Variants in DAPK1 observed in about 807,000 individuals in gnomAD.
The protein encoded by DAPK1 is death associated protein kinase 1, also known as death-associated protein kinase 1.
In DAPK1, 56 loss-of-function variants were observed where a neutral mutation model predicts 144.9. The ratio of observed to expected loss-of-function variants is 0.39; its 90% confidence interval spans 0.31 to 0.48. The LOEUF (loss-of-function observed/expected upper bound fraction) is 0.48, where lower values mean the gene tolerates loss of function less well. Ranked by LOEUF, DAPK1 falls within the 20% of genes least tolerant of loss-of-function variation. DAPK1 has a pLI of 0.95. For missense variants in DAPK1, 1,454 were observed against 1,875.4 expected (o/e 0.78, Z 4.15); for synonymous variants, 690 against 749.0 (o/e 0.92, Z 1.29).
Position 87,697,202 on chromosome 9 carries a change from T to G in DAPK1, c.2609T>G (p.Ile870Arg). 6.8e-7 allele frequency: 1 copy of G among 1,463,698 alleles called. No individual in the cohort carries two copies. Among genetic ancestry groups the G allele is most frequent in the Non-Finnish European group, 9.6e-7 (1 of 1,042,802 alleles). 90.7% of individuals were successfully genotyped at this position (1,463,698 alleles called of 1,614,324 possible). A position where few individuals can be genotyped will look rare whatever the true frequency, so the allele number is the denominator to read the frequency against. The change falls in exon 22 of 26, where the codon ATA becomes AGA. Residue 870 changes from isoleucine (I) to arginine (R), a missense_variant and splice_region_variant. By Grantham distance (97) the Ile-to-Arg change is moderately conservative. Around this residue, in one of 2 missense-constraint regions of DAPK1, gnomAD observed 1,025 missense variants for 1,237.9 expected, o/e 0.83. Coordinates refer to ENST00000408954, the MANE Select transcript of DAPK1 (RefSeq NM_004938.4). ...TCCCTTGTCCCAGTTGAAGAACCCA[T>G]AGGTGAGCTAAGTCCCTGCAGGCCA... ...LKSLVPVEEP[I>R]AFGGKLKNPL... is the part of the protein sequence containing the mutation.
chr9:87,576,294 T>A (rs1827557237), intron 2 of DAPK1, among the ~76,000 whole-genome samples: 1 of 152,262 alleles, frequency 6.6e-6, no homozygotes, highest in Non-Finnish European at 1.5e-5. Context: ...TGTTACTTCA[T>A]TATCTGTGCT....
intron 2 of DAPK1, among the ~76,000 whole-genome samples, chr9:87,591,485 AACCC>A: frequency 6.6e-6 from 1 of 152,244 alleles, no homozygotes; most frequent in African/African-American, 2.4e-5. Flanking sequence ...TAAATTTAGG[AACCC>A]ATAAAGCATT....
At chr9:87,545,190 T>C (rs1321812424) in intron 2 of DAPK1, among the ~76,000 whole-genome samples, 1 of 152,104 alleles carries the variant, frequency 6.6e-6, no homozygotes, top group African/African-American at 2.4e-5. Flanking sequence ...ATTCAGAAAA[T>C]CTGAGGCCTC....
Position 87,499,091 on chromosome 9 carries a change from G to A in DAPK1, c.14G>A (p.Arg5Lys). The change falls in exon 2 of 26, where the codon AGG (arginine) becomes AAG (lysine). Residue 5 changes from arginine to lysine, a missense_variant. By Grantham distance (26) the Arg-to-Lys change is conservative. Around this residue, in one of 2 missense-constraint regions of DAPK1, gnomAD observed 429 missense variants for 637.5 expected, o/e 0.67. Transcript: ENST00000408954. Reference sequence around the variant, plus strand: ...TGACAGTTTATCATGACCGTGTTCAGGCAGGAAAACGTGGATGATTACTAC... The same window carrying A: ...TGACAGTTTATCATGACCGTGTTCAAGCAGGAAAACGTGGATGATTACTAC... The part of the protein sequence containing the change: MTVF[R>K]QENVDDYYDT... 1 of 1,614,122 alleles carries A rather than the reference G, an allele frequency of 6.2e-7. No homozygotes were observed. The highest frequency in any genetic ancestry group is 8.5e-7 in the Non-Finnish European group (1 of 1,180,006).
chr9:87,645,857 A>T, intron 11 of DAPK1, 38 bp from the exon 12 acceptor site: 1 of 1,606,214 alleles, frequency 6.2e-7, no homozygotes, highest in South Asian at 1.1e-5. Context: ...CATGGCTAGC[A>T]ATGTAACTCT....
chr9:87,634,422 A>G lies in DAPK1; in HGVS notation c.285-3521A>G, dbSNP rs190764749. ...CTTCCTGGGTTTCTCCACGTGGCAC[A>G]GTGGTTTGGCATCGTCGTACTTCTT... On this transcript the variant is annotated intron_variant, in intron 3 of 25. Transcript: ENST00000408954. Among the ~76,000 whole-genome samples, 286 of 152,284 alleles carry G rather than the reference A, an allele frequency of 1.9e-3. 1 individual carries two copies. The highest frequency in any genetic ancestry group is 6.4e-3 in the African/African-American group (267 of 41,554).
At chr9:87,588,382 A>G (rs977608160) in intron 2 of DAPK1, among the ~76,000 whole-genome samples, 97 of 152,328 alleles carry the variant, frequency 6.4e-4, no homozygotes, top group African/African-American at 2.2e-3. Context: ...TATTAACAGT[A>G]TATTTGTGTG....
chr9:87,568,350 G>A (rs1186194186), intron 2 of DAPK1, among the ~76,000 whole-genome samples: 1 of 152,214 alleles, frequency 6.6e-6, no homozygotes, highest in African/African-American at 2.4e-5. Context: ...CCATTGCTCT[G>A]GATCAAACAG....
intron 2 of DAPK1, among the ~76,000 whole-genome samples, chr9:87,521,904 G>A (rs1825310565): frequency 6.6e-6 from 1 of 152,214 alleles, no homozygotes; most frequent in Non-Finnish European, 1.5e-5. Flanking sequence ...GGATGAAAGG[G>A]CTAATGGATT....
intron 17 of DAPK1, among the ~76,000 whole-genome samples, chr9:87,655,500 G>A (rs1830601284): frequency 6.6e-6 from 1 of 152,160 alleles, no homozygotes; most frequent in South Asian, 2.1e-4. Flanking sequence ...AGCGTGGGGT[G>A]GCATCCACAT....
chr9:87,528,306 C>T (rs953730446), intron 2 of DAPK1, among the ~76,000 whole-genome samples: 3 of 151,778 alleles, frequency 2.0e-5, no homozygotes, highest in African/African-American at 7.3e-5. Context: ...CAACCTCCAC[C>T]TCCTGGGTTC....
intron 2 of DAPK1, among the ~76,000 whole-genome samples, chr9:87,528,847 G>T (rs1335420153): frequency 1.4e-5 from 2 of 145,382 alleles, no homozygotes; most frequent in African/African-American, 5.2e-5. Context: ...ACTCCAGCCT[G>T]GGTGACAGAG....
Position 87,686,725 on chromosome 9 carries a change from A to C in DAPK1, c.2399A>C (p.Asn800Thr), listed in dbSNP as rs1824875302. The C allele has an allele frequency of 2.5e-6, 4 of 1,612,236 alleles. No individual in the cohort carries two copies. The highest frequency in any genetic ancestry group is 1.7e-5 in the Admixed American group (1 of 59,940). ...TCCACCAAGGCCATCGACATCCAGA[A>C]CGCTTATTTGAATGGTATGCCCTGC... ...DQSTKAIDIQ[N>T]AYLNGVGDFS... is the part of the protein sequence containing the mutation. The change falls in exon 21 of 26, where the codon AAC becomes ACC. Residue 800 changes from asparagine (N) to threonine (T), a missense_variant. By Grantham distance (65) the Asn-to-Thr change is moderately conservative. This residue lies in a region of DAPK1 where 1,025 missense variants were observed against 1,237.9 expected (regional missense o/e 0.83). Transcript: ENST00000408954. The surrounding 1 kb of genome is among the most constrained non-coding windows in gnomAD (Gnocchi z 4.2).
intron 13 of DAPK1, 21 bp downstream of exon 13, chr9:87,646,580 ATGAAT>A: frequency 6.3e-7 from 1 of 1,575,466 alleles, no homozygotes; most frequent in South Asian, 1.1e-5. Flanking sequence ...TTTTATTGAA[ATGAAT>A]TGAATTTTAA....
At chr9:87,508,036 G>A (rs1824675113) in intron 2 of DAPK1, among the ~76,000 whole-genome samples, 2 of 151,852 alleles carry the variant, frequency 1.3e-5, no homozygotes, top group Middle Eastern at 6.8e-3. Context: ...TTTTGGAGAC[G>A]GAGTGTCGCT....
chr9:87,628,782 G>C (rs1003030502), intron 3 of DAPK1, among the ~76,000 whole-genome samples: 1 of 152,148 alleles, frequency 6.6e-6, no homozygotes, highest in Non-Finnish European at 1.5e-5. Context: ...CCCAAGGAGA[G>C]CACCAGATAT....
At chr9:87,542,497 C>T (rs992839771) in intron 2 of DAPK1, among the ~76,000 whole-genome samples, 6 of 152,184 alleles carry the variant, frequency 3.9e-5, no homozygotes, top group Admixed American at 2.6e-4. Flanking sequence ...TCATTCCTTA[C>T]CTTACCAGAG....
intron 3 of DAPK1, among the ~76,000 whole-genome samples, chr9:87,626,225 G>A (rs567600581): frequency 2.6e-4 from 39 of 152,184 alleles, no homozygotes; most frequent in Non-Finnish European, 4.4e-4. Context: ...AGATTAGCCT[G>A]ACCAACATGG....
chr9:87,633,439 C>T (rs974975511), intron 3 of DAPK1: 2 of 956,072 alleles, frequency 2.1e-6, no homozygotes, highest in African/African-American at 3.5e-5. Flanking sequence ...ACTCTCCTAA[C>T]CTTTCTAATG....
Sources: allele counts gnomAD v4.1 joint callset (sites outside exome capture counted in the v4.1 genomes callset), GRCh38; gene constraint gnomAD v4.1.1; regional missense constraint gnomAD v4.1.1; non-coding constraint Gnocchi (gnomAD v3.1); transcripts MANE v1.5; gene names NCBI Gene and HGNC (gene_info 2026-07-23, HGNC 2026-07-21).